Variants in CHD2 observed in about 807,000 individuals in gnomAD.
The protein encoded by CHD2 is ATP-dependent chromatin remodeler CHD2.
Under a neutral mutation model 243.9 loss-of-function variants are expected in CHD2, and 28 were observed. The observed-to-expected ratio is 0.11, with a 90% CI of 0.09 to 0.16. CHD2 has a LOEUF of 0.16. Among genes scored for constraint, CHD2 ranks in the 10% least tolerant of loss-of-function variants. CHD2 has a pLI of 1.00. For missense variants in CHD2, 1,386 were observed against 2,209.8 expected, an observed-to-expected ratio of 0.63 and a Z score of 7.47; for synonymous variants, 775 against 779.0, an observed-to-expected ratio of 0.99 and a Z score of 0.09.
At chr15:92,929,985 A>G (rs770007361) in intron 5 of CHD2, among the ~76,000 whole-genome samples, 32 of 150,112 alleles carry the variant, frequency 2.1e-4, no homozygotes, top group Admixed American at 4.7e-4. Flanking sequence ...ATTTTGTGAC[A>G]TTAAATAAAT....
At chr15:92,937,200 A>AT (rs1433009336) in intron 5 of CHD2, among the ~76,000 whole-genome samples, 1 of 152,188 alleles carries the variant, frequency 6.6e-6, no homozygotes, top group Non-Finnish European at 1.5e-5. Context: ...GGTGGTCCTG[A>AT]TAACATTTTA....
At chr15:93,005,671 G>T (rs1157542676) in intron 34 of CHD2, among the ~76,000 whole-genome samples, 1 of 152,130 alleles carries the variant, frequency 6.6e-6, no homozygotes, top group East Asian at 1.9e-4. Flanking sequence ...TATGTATATA[G>T]ATATTGTTTT....
At chr15:92,932,939 C>T (rs1267537620) in intron 5 of CHD2, among the ~76,000 whole-genome samples, 1 of 151,906 alleles carries the variant, frequency 6.6e-6, no homozygotes, top group Non-Finnish European at 1.5e-5. Flanking sequence ...CATGGGGTTT[C>T]ACCATGTTGC....
intron 16 of CHD2, 67 bp downstream of exon 16, chr15:92,956,716 C>G: frequency 1.4e-6 from 2 of 1,420,976 alleles, no homozygotes; most frequent in Non-Finnish European, 1.9e-6. Context: ...TTTTAACTTT[C>G]TTAGTAGACC....
chr15:92,989,388 A>G (rs1179754164), intron 26 of CHD2, among the ~76,000 whole-genome samples: 4 of 152,120 alleles, frequency 2.6e-5, no homozygotes, highest in Non-Finnish European at 4.4e-5. Flanking sequence ...TGGACATTTT[A>G]AATCATATGG....
At position 92,943,159 on chromosome 15, in the gene CHD2, G is replaced by A. The variant is rs542247684; in HGVS notation, c.1052+91G>A. 1.5e-4 allele frequency: 151 copies of A among 1,010,770 alleles called. 2 individuals carry two copies. In the South Asian group the frequency reaches 2.0e-3, roughly 13 times the overall value. 62.6% of individuals were successfully genotyped at this position (1,010,770 alleles called of 1,614,324 possible). A position where few individuals can be genotyped will look rare whatever the true frequency, so the allele number is the denominator to read the frequency against. On this transcript the variant is annotated intron_variant, in intron 9 of 38. Coordinates refer to ENST00000394196, the MANE Select transcript of CHD2 (RefSeq NM_001271.4). ...AATGCATGGAGATCACAGCTATCTA[G>A]AATCTCAGATTTTGCTTTGATCATC...
At chr15:92,936,762 A>C (rs1238826112) in intron 5 of CHD2, among the ~76,000 whole-genome samples, 1 of 152,040 alleles carries the variant, frequency 6.6e-6, no homozygotes, top group Non-Finnish European at 1.5e-5. Context: ...CATTACTTGA[A>C]TTTGTTGAAA....
At chr15:93,013,031 C>G (rs2054412128) in intron 36 of CHD2, among the ~76,000 whole-genome samples, 1 of 152,186 alleles carries the variant, frequency 6.6e-6, no homozygotes, top group African/African-American at 2.4e-5. Context: ...CATTAAATAC[C>G]ACCTCCACTA....
chr15:92,903,815 A>G lies in CHD2; in HGVS notation c.62+2516A>G, dbSNP rs78767363. ...CTTAAGAATTGAACGAGTTTATTAA[A>G]TTTATCTCCAAATCGTCTGCCTTTG... is the stretch of plus-strand genomic sequence containing the variant. On this transcript the variant is annotated intron_variant, in intron 2 of 38. Coordinates refer to ENST00000394196, the MANE Select transcript of CHD2 (RefSeq NM_001271.4). Among the ~76,000 whole-genome samples the G allele has an allele frequency of 8.1e-3, 1,231 of 152,344 alleles. 55 individuals are homozygous for G. Among genetic ancestry groups the G allele is most frequent in the Admixed American group, 0.069 (1,058 of 15,300 alleles).
chr15:92,913,981 C>T (rs562501402), intron 2 of CHD2, among the ~76,000 whole-genome samples: 33 of 152,308 alleles, frequency 2.2e-4, no homozygotes, highest in African/African-American at 7.9e-4. Context: ...ACTCCCATGA[C>T]GTTATGGGCA....
chr15:92,913,548 C>T (rs1289010707), intron 2 of CHD2, among the ~76,000 whole-genome samples: 1 of 152,172 alleles, frequency 6.6e-6, no homozygotes, highest in Non-Finnish European at 1.5e-5. Flanking sequence ...ATTATCCAGC[C>T]TCAGGCATCT....
At chr15:92,927,763 A>C (rs2053090095) in intron 4 of CHD2, among the ~76,000 whole-genome samples, 1 of 152,226 alleles carries the variant, frequency 6.6e-6, no homozygotes, top group African/African-American at 2.4e-5. Flanking sequence ...GTGCTTAATT[A>C]ATGTATCTAC....
At chr15:92,991,726 A>G in intron 27 of CHD2, 2 of 427,924 alleles carry the variant, frequency 4.7e-6, no homozygotes, top group South Asian at 1.2e-4. Flanking sequence ...CAGGCCATCC[A>G]TAAAAAGACT....
intron 3 of CHD2, among the ~76,000 whole-genome samples, chr15:92,926,019 T>C (rs2053054025): frequency 6.6e-6 from 1 of 152,212 alleles, no homozygotes; most frequent in Admixed American, 6.5e-5. Context: ...TCCCCCAGGC[T>C]GGAGTGCAGT....
At chr15:92,926,341 T>C (rs1414713641) in intron 3 of CHD2, among the ~76,000 whole-genome samples, 1 of 152,218 alleles carries the variant, frequency 6.6e-6, no homozygotes, top group Non-Finnish European at 1.5e-5. Flanking sequence ...TTTCCAAATA[T>C]TCTCATGACG....
chr15:92,977,264 T>C (rs1567149441), intron 20 of CHD2, among the ~76,000 whole-genome samples: 2 of 152,246 alleles, frequency 1.3e-5, no homozygotes. Flanking sequence ...ATTGGAATTG[T>C]TTAATTAAAA....
chr15:92,979,059 A>G, intron 21 of CHD2, 76 bp from the exon 22 acceptor site: 1 of 1,562,792 alleles, frequency 6.4e-7, no homozygotes, highest in East Asian at 2.2e-5. Context: ...GTTTTGACAG[A>G]GCTAATCCTT....
intron 5 of CHD2, among the ~76,000 whole-genome samples, chr15:92,934,800 T>TAC (rs973014007): frequency 6.6e-6 from 1 of 152,298 alleles, no homozygotes; most frequent in East Asian, 1.9e-4. Context: ...CAAATATACA[T>TAC]ACACACACAC....
intron 2 of CHD2, among the ~76,000 whole-genome samples, chr15:92,903,711 A>T (rs1030500451): frequency 6.6e-6 from 1 of 152,114 alleles, no homozygotes; most frequent in African/African-American, 2.4e-5. Flanking sequence ...TAACTTAAGT[A>T]ACATCAAAGA....
Sources: gnomAD v4.1 joint callset for allele counts (sites outside exome capture counted in the v4.1 genomes callset) on GRCh38, gnomAD v4.1.1 for gene constraint, MANE v1.5 for transcripts, NCBI Gene and HGNC (gene_info 2026-07-23, HGNC 2026-07-21) for gene names.